The following OXR1 variants were observed in gnomAD, a reference collection of about 807,000 sequenced individuals.
OXR1 encodes the protein oxidation resistance protein 1.
OXR1 carries 41 observed loss-of-function variants against 104.6 expected under a neutral mutation model. The observed-to-expected ratio is 0.39, with a 90% CI of 0.31 to 0.51. OXR1 has a LOEUF of 0.51. Among genes scored for constraint, OXR1 ranks in the 20% least tolerant of loss-of-function variants. The pLI, the probability that OXR1 is intolerant of heterozygous loss-of-function variation, is 0.77. For missense variants in OXR1, 955 were observed against 1,031.9 expected (o/e 0.93, Z 1.02); for synonymous variants, 348 against 348.4 (o/e 1.00, Z 0.01).
At chr8:106,367,532 A>G (rs1273254388) in intron 2 of OXR1, among the ~76,000 whole-genome samples, 4 of 152,154 alleles carry the variant, frequency 2.6e-5, no homozygotes, top group Non-Finnish European at 4.4e-5. Context: ...ATTTAAAAAT[A>G]TTTATATTCA....
At chr8:106,367,019 A>G (rs1816495231) in intron 2 of OXR1, among the ~76,000 whole-genome samples, 1 of 151,946 alleles carries the variant, frequency 6.6e-6, no homozygotes, top group South Asian at 2.1e-4. Flanking sequence ...TATATGGTCA[A>G]TAAAAGAATT....
intron 3 of OXR1, chr8:106,580,870 C>A: frequency 2.5e-6 from 1 of 407,786 alleles, no homozygotes; most frequent in Non-Finnish European, 3.3e-6. Flanking sequence ...TATTATCCAG[C>A]CTTTCAAGTG....
At chr8:106,461,599 G>A (rs981199004) in intron 2 of OXR1, among the ~76,000 whole-genome samples, 6 of 151,968 alleles carry the variant, frequency 3.9e-5, no homozygotes, top group South Asian at 2.1e-4. Flanking sequence ...ATTTTGGAGA[G>A]GAATCAAGCA....
chr8:106,294,412 A>AAAAAAAAAAAG (rs71307051), intron 1 of OXR1, among the ~76,000 whole-genome samples: 2 of 131,470 alleles, frequency 1.5e-5, no homozygotes, highest in Non-Finnish European at 3.1e-5. Flanking sequence ...AAAAAAAAAA[A>AAAAAAAAAAAG]AAAGAAAGAA....
At chr8:106,329,579 C>A (rs913241313) in intron 1 of OXR1, among the ~76,000 whole-genome samples, 2 of 152,024 alleles carry the variant, frequency 1.3e-5, no homozygotes, top group African/African-American at 4.8e-5. Flanking sequence ...GATCTCCTGA[C>A]CTAGTGATCC....
chr8:106,638,976 T>G (rs1823402455), intron 3 of OXR1, among the ~76,000 whole-genome samples: 1 of 152,142 alleles, frequency 6.6e-6, no homozygotes, highest in Non-Finnish European at 1.5e-5. Flanking sequence ...CTTTTTTCTT[T>G]CAGCAGCTCA....
At chr8:106,292,864 A>T (rs941180163) in intron 1 of OXR1, among the ~76,000 whole-genome samples, 1 of 152,242 alleles carries the variant, frequency 6.6e-6, no homozygotes, top group Non-Finnish European at 1.5e-5. Flanking sequence ...TGTTAAGCCC[A>T]GGAGTGACCT....
intron 2 of OXR1, among the ~76,000 whole-genome samples, chr8:106,465,847 T>C (rs776257092): frequency 6.6e-6 from 1 of 151,998 alleles, no homozygotes; most frequent in Non-Finnish European, 1.5e-5. Context: ...TATAGTACTT[T>C]ATCCAAGAGA....
chr8:106,310,455 C>G lies in OXR1; in HGVS notation c.-139+40088C>G, dbSNP rs566044341. Among the ~76,000 whole-genome samples the G allele has an allele frequency of 2.0e-5, 3 of 152,274 alleles. No individual in the cohort carries two copies. The South Asian group carries it at 6.2e-4, about 32-fold the overall frequency. On this transcript the variant is annotated intron_variant, in intron 1 of 16. Transcript: ENST00000517566. ...GCCACTGTCATGCACCATTTCCCTTCACTGTCATCCTGACAATTCTCTTTG... is the reference window on the plus strand; with the variant it reads ...GCCACTGTCATGCACCATTTCCCTTGACTGTCATCCTGACAATTCTCTTTG...
intron 2 of OXR1, among the ~76,000 whole-genome samples, chr8:106,398,016 C>T (rs145099673): frequency 1.8e-3 from 272 of 152,146 alleles, no homozygotes; most frequent in South Asian, 6.2e-3. Context: ...TTAATCACTC[C>T]GATCTCTGCC....
intron 3 of OXR1, among the ~76,000 whole-genome samples, chr8:106,593,240 T>C (rs1404564938): frequency 6.6e-6 from 1 of 152,208 alleles, no homozygotes; most frequent in Non-Finnish European, 1.5e-5. Context: ...TGTATAAGTA[T>C]GCACGTTGAC....
At chr8:106,429,413 A>T (rs186451867) in intron 2 of OXR1, among the ~76,000 whole-genome samples, 1 of 152,204 alleles carries the variant, frequency 6.6e-6, no homozygotes, top group East Asian at 1.9e-4. Flanking sequence ...TAATCCCAGC[A>T]CTATGGGAGG....
intron 5 of OXR1, among the ~76,000 whole-genome samples, chr8:106,683,969 T>C (rs186130721): frequency 1.3e-5 from 2 of 152,326 alleles, no homozygotes; most frequent in East Asian, 3.9e-4. Context: ...GCACTTTAAA[T>C]TTTGCTAGCT....
At chr8:106,433,728 A>T (rs1256488241) in intron 2 of OXR1, among the ~76,000 whole-genome samples, 3 of 152,154 alleles carry the variant, frequency 2.0e-5, no homozygotes, top group Non-Finnish European at 4.4e-5. Context: ...TGTATATCTA[A>T]TCTATCTAGT....
chr8:106,298,611 T>A (rs957887658), intron 1 of OXR1, among the ~76,000 whole-genome samples: 2 of 152,120 alleles, frequency 1.3e-5, no homozygotes, highest in African/African-American at 4.8e-5. Flanking sequence ...TGGAATAGAA[T>A]GCAGTGGAAT....
chr8:106,528,360 A>C (rs568304594), intron 3 of OXR1, among the ~76,000 whole-genome samples: 2 of 152,364 alleles, frequency 1.3e-5, no homozygotes, highest in South Asian at 4.1e-4. Flanking sequence ...TCTAAAATCC[A>C]ATGCAATGAT....
At chr8:106,381,607 A>G (rs1390145918) in intron 2 of OXR1, among the ~76,000 whole-genome samples, 1 of 152,172 alleles carries the variant, frequency 6.6e-6, no homozygotes, top group South Asian at 2.1e-4. Flanking sequence ...CACACAGGTT[A>G]TACCTTTACT....
intron 2 of OXR1, among the ~76,000 whole-genome samples, chr8:106,483,715 T>C (rs1430435700): frequency 6.6e-6 from 1 of 152,060 alleles, no homozygotes; most frequent in African/African-American, 2.4e-5. Flanking sequence ...TATATGCAGA[T>C]TTTCTCCCAT....
At chr8:106,418,812 C>T (rs776552914) in intron 2 of OXR1, among the ~76,000 whole-genome samples, 12 of 152,122 alleles carry the variant, frequency 7.9e-5, no homozygotes, top group Non-Finnish European at 1.3e-4. Flanking sequence ...GTTCATGTAT[C>T]CACAAAGATG....
Sources: gnomAD v4.1 joint callset for allele counts (sites outside exome capture counted in the v4.1 genomes callset) on GRCh38, gnomAD v4.1.1 for gene constraint, MANE v1.5 for transcripts, NCBI Gene and HGNC (gene_info 2026-07-23, HGNC 2026-07-21) for gene names.